ASIC2: variants seen among roughly 807,000 people sequenced by gnomAD.
The protein encoded by ASIC2 is acid sensing ion channel subunit 2, also known as acid-sensing ion channel 2.
A neutral mutation model predicts 57.3 loss-of-function variants in ASIC2; 25 were observed. The ratio of observed to expected loss-of-function variants is 0.44; its 90% CI spans 0.32 to 0.61. The LOEUF (loss-of-function observed/expected upper bound fraction) is 0.61. Ranked by LOEUF, ASIC2 falls within the 20% of genes least tolerant of loss-of-function variation. The pLI is 0.06. For missense variants in ASIC2, 641 were observed against 738.1 expected (o/e 0.87, Z 1.52); for synonymous variants, 319 against 307.5 (o/e 1.04, Z -0.39).
chr17:34,020,558 GA>G (rs1907123192), intron 1 of ASIC2, among the ~76,000 whole-genome samples: 2 of 152,216 alleles, frequency 1.3e-5, no homozygotes, highest in African/African-American at 4.8e-5. Flanking sequence ...AAGTTAGAGA[GA>G]TTTGAGTGAT....
At chr17:33,572,299 C>G (rs563874849) in intron 1 of ASIC2, 2 of 134,474 alleles carry the variant, frequency 1.5e-5, no homozygotes, top group African/African-American at 6.3e-5. Flanking sequence ...AATAAAGAAA[C>G]GCACCCCCCC....
chr17:33,126,749 G>A (rs1597590997), intron 1 of ASIC2, among the ~76,000 whole-genome samples: 1 of 151,866 alleles, frequency 6.6e-6, no homozygotes, highest in East Asian at 2.0e-4. Flanking sequence ...TTGCACCACT[G>A]CACTCCAGCC....
rs115295349 is a variant in ASIC2 at position 33,467,712 on chromosome 17, A to G, written c.556-355645T>C. ...TTTAGAGAATAACTTAATTATCTCA[A>G]TCAATTGCCAATCAGAAATCTCTGA... On this transcript the variant is annotated intron_variant, in intron 1 of 9. Coordinates refer to the ASIC2 transcript ENST00000359872. Among the ~76,000 whole-genome samples, 460 of 152,344 alleles carry G rather than the reference A, an allele frequency of 3.0e-3. 2 individuals are homozygous for G. The highest frequency in any genetic ancestry group is 0.011 in the African/African-American group (448 of 41,580).
intron 1 of ASIC2, among the ~76,000 whole-genome samples, chr17:33,399,519 CA>C (rs1197915806): frequency 2.6e-4 from 40 of 152,248 alleles, no homozygotes; most frequent in Non-Finnish European, 4.7e-4. Flanking sequence ...GGAACAACAA[CA>C]AAAAATCTCC....
At chr17:33,651,771 G>A (rs952925333) in intron 1 of ASIC2, among the ~76,000 whole-genome samples, 1 of 152,230 alleles carries the variant, frequency 6.6e-6, no homozygotes, top group African/African-American at 2.4e-5. Context: ...TCCCTGTCTG[G>A]ACCAGTTAAC....
At chr17:33,207,577 G>C (rs531759962) in intron 1 of ASIC2, among the ~76,000 whole-genome samples, 33 of 152,286 alleles carry the variant, frequency 2.2e-4, no homozygotes, top group African/African-American at 7.5e-4. Flanking sequence ...CACCAAGAAT[G>C]GCATGAAGCA....
rs186537951 is a variant in ASIC2 at position 33,069,264 on chromosome 17, T to C, written c.987+19599A>G. Among the ~76,000 whole-genome samples, 14 of 152,352 alleles carry C rather than the reference T, an allele frequency of 9.2e-5. No individual in the cohort carries two copies. The East Asian group carries it at 2.7e-3, about 29-fold the overall frequency. On this transcript the variant is annotated intron_variant, in intron 3 of 9. Transcript: ENST00000225823. ...GTTTTATGGCCCAGAATATGGTCTA[T>C]CTTGGTAAGCGTGCTGTGTGTACTC...
intron 3 of ASIC2, among the ~76,000 whole-genome samples, chr17:33,078,555 G>A (rs912754808): frequency 1.3e-5 from 2 of 152,164 alleles, no homozygotes; most frequent in African/African-American, 2.4e-5. Context: ...TCCCGTAAGA[G>A]TTTACAGTAT....
At chr17:34,050,854 G>A (rs1315142678) in intron 1 of ASIC2, among the ~76,000 whole-genome samples, 2 of 152,186 alleles carry the variant, frequency 1.3e-5, no homozygotes, top group Non-Finnish European at 2.9e-5. Context: ...CCAAGATGTG[G>A]ATGGCCAGGG....
intron 1 of ASIC2, among the ~76,000 whole-genome samples, chr17:33,438,111 G>C (rs1265157932): frequency 6.6e-6 from 1 of 152,226 alleles, no homozygotes; most frequent in South Asian, 2.1e-4. Flanking sequence ...ATTTATGATG[G>C]GGGCTCCATA....
rs747805356 is a variant in ASIC2 at position 33,025,957 on chromosome 17, C to T, written c.1164G>A (p.Glu388=). 1 of 1,613,802 alleles carries T rather than the reference C, an allele frequency of 6.2e-7. No homozygotes were observed. Among genetic ancestry groups the T allele is most frequent in the Non-Finnish European group, 8.5e-7 (1 of 1,179,858 alleles). ...CAGGCTCTGCACACTCCTTGTGCTG[C>T]TCAGGGGTACAAAAAGGGGCATCCC... ...MPGDAPFCTP[E]QHKECAEPAL... The change falls in exon 5 of 10, where the codon GAG becomes GAA. Residue 388 remains glutamate, a synonymous_variant. Coordinates refer to ENST00000225823, the MANE Select transcript of ASIC2 (RefSeq NM_183377.2).
At chr17:34,140,659 C>T (rs1385445103) in intron 1 of ASIC2, among the ~76,000 whole-genome samples, 2 of 152,064 alleles carry the variant, frequency 1.3e-5, no homozygotes, top group African/African-American at 4.8e-5. Flanking sequence ...GGAAGGGGTT[C>T]CCAAATGTGG....
intron 1 of ASIC2, among the ~76,000 whole-genome samples, chr17:33,280,472 CAT>C (rs1904896417): frequency 6.6e-6 from 1 of 152,198 alleles, no homozygotes; most frequent in African/African-American, 2.4e-5. Context: ...ACCATACAAA[CAT>C]AGAGCTGGGA....
intron 1 of ASIC2, among the ~76,000 whole-genome samples, chr17:33,831,614 G>A (rs905221639): frequency 2.0e-5 from 3 of 150,968 alleles, no homozygotes; most frequent in Non-Finnish European, 4.4e-5. Context: ...GTCCTGCAAA[G>A]TTTTGGTCAA....
Position 33,106,644 on chromosome 17 carries a change from C to A in ASIC2, c.859+5273G>T, listed in dbSNP as rs562922076. ...TCTGCAACCACCATCGGCCCAACTTCTTTAGGACTATTACAGGGTCTCAGG... is the reference window on the plus strand; with the variant it reads ...TCTGCAACCACCATCGGCCCAACTTATTTAGGACTATTACAGGGTCTCAGG... On this transcript the variant is annotated intron_variant, in intron 2 of 9. Coordinates refer to ENST00000225823, the MANE Select transcript of ASIC2 (RefSeq NM_183377.2). Among the ~76,000 whole-genome samples the A allele has an allele frequency of 1.0e-3, 159 of 152,308 alleles. 3 individuals are homozygous for A. The South Asian group carries it at 0.024, about 23-fold the overall frequency.
chr17:33,913,406 T>A (rs1308744337), intron 1 of ASIC2, among the ~76,000 whole-genome samples: 1 of 152,186 alleles, frequency 6.6e-6, no homozygotes, highest in Non-Finnish European at 1.5e-5. Flanking sequence ...ATACAATTTA[T>A]TTTTTAGTTA....
chr17:33,912,754 C>T (rs1431273672), intron 1 of ASIC2, among the ~76,000 whole-genome samples: 4 of 151,358 alleles, frequency 2.6e-5, no homozygotes, highest in Non-Finnish European at 4.4e-5. Flanking sequence ...CGGAGGTGGG[C>T]GGATCACCTG....
chr17:33,968,470 G>T (rs112351437), intron 1 of ASIC2, among the ~76,000 whole-genome samples: 1 of 152,310 alleles, frequency 6.6e-6, no homozygotes, highest in East Asian at 1.9e-4. Flanking sequence ...TGCTTTTCCC[G>T]CACTGCAAGG....
intron 1 of ASIC2, among the ~76,000 whole-genome samples, chr17:33,396,987 A>C (rs889074497): frequency 1.3e-5 from 2 of 152,100 alleles, no homozygotes; most frequent in African/African-American, 4.8e-5. Context: ...TTGAATTCTG[A>C]CTCATCTTTC....
Sources: allele counts gnomAD v4.1 joint callset (sites outside exome capture counted in the v4.1 genomes callset), GRCh38; gene constraint gnomAD v4.1.1; transcripts MANE v1.5; gene names NCBI Gene and HGNC (gene_info 2026-07-23, HGNC 2026-07-21).